The following ODAD3 variants were observed in gnomAD, a reference collection of about 807,000 sequenced individuals.
ODAD3 encodes outer dynein arm docking complex subunit 3, also known as outer dynein arm-docking complex subunit 3.
A neutral mutation model predicts 70.9 loss-of-function variants in ODAD3; 57 were observed. That is an observed-to-expected ratio of 0.80 (90% CI 0.65 to 1.00). The LOEUF (loss-of-function observed/expected upper bound fraction) is 1.00, where lower values mean the gene tolerates loss of function less well. Among genes scored for constraint, ODAD3 ranks in the 50% least tolerant of loss-of-function variants. The probability of loss-of-function intolerance (pLI) is 0.00; values close to 1 mark genes in which losing one functional copy is unlikely to be tolerated. For synonymous variants in ODAD3, 327 were observed against 315.9 expected (o/e 1.04, Z -0.37); for missense variants, 797 against 763.9 (o/e 1.04, Z -0.51).
chr19:11,432,871 G>A (rs1396119369), intron 1 of ODAD3, among the ~76,000 whole-genome samples: 3 of 151,402 alleles, frequency 2.0e-5, no homozygotes, highest in African/African-American at 4.9e-5. Flanking sequence ...CTGGCTCACC[G>A]CAACCTCCAC....
At chr19:11,429,159 G>A (rs888829181) in intron 3 of ODAD3, among the ~76,000 whole-genome samples, 54 of 151,884 alleles carry the variant, frequency 3.6e-4, no homozygotes, top group African/African-American at 1.2e-3. Flanking sequence ...GATTACAGGC[G>A]TGAGCCACCG....
chr19:11,423,838 G>A (rs765278531), intron 8 of ODAD3, 39 bp downstream of exon 8: 7 of 1,363,836 alleles, frequency 5.1e-6, no homozygotes, highest in African/African-American at 4.7e-5. Context: ...TCTGGGGTGG[G>A]GGGGGGGCGC....
intron 8 of ODAD3, among the ~76,000 whole-genome samples, chr19:11,423,468 G>A (rs1176165159): frequency 6.6e-6 from 1 of 152,178 alleles, no homozygotes; most frequent in Non-Finnish European, 1.5e-5. Context: ...TGAGGGACCC[G>A]GCGCAGGGAC....
At chr19:11,425,473 A>ACATATG (rs1276294351) in intron 7 of ODAD3, among the ~76,000 whole-genome samples, 2 of 126,434 alleles carry the variant, frequency 1.6e-5, no homozygotes, top group African/African-American at 5.6e-5. Flanking sequence ...GTATATATGT[A>ACATATG]TATATGTGTG....
At chr19:11,432,139 C>A (rs1429237420) in intron 1 of ODAD3, among the ~76,000 whole-genome samples, 1 of 152,066 alleles carries the variant, frequency 6.6e-6, no homozygotes, top group Admixed American at 6.6e-5. Flanking sequence ...AAACAAAAAA[C>A]CCCAAAATCC....
In ODAD3 at chr19:11,422,931, C is replaced by A. The variant is rs141756170; in HGVS notation, c.1117-70G>T. ...TAGGGGCGCTCCACCTCCTCTCCCC[C>A]ACCCTGCGAACCCTCGCACGCAGGA... On this transcript the variant is annotated intron_variant, in intron 8 of 12. Coordinates refer to ENST00000356392, the MANE Select transcript of ODAD3 (RefSeq NM_145045.5). This position sits in a 1 kb window ranked among gnomAD's most constrained non-coding sequence, Gnocchi z 4.6. The A allele has an allele frequency of 4.6e-5, 70 of 1,531,416 alleles. No individual in the cohort carries two copies. The South Asian group carries it at 7.4e-4, about 16-fold the overall frequency. The allele number at this position is 1,531,416 out of a possible 1,614,324, so 94.9% of individuals were successfully genotyped here.
intron 11 of ODAD3, 31 bp from the exon 12 acceptor site, chr19:11,421,243 G>A (rs1484134464): frequency 5.0e-6 from 8 of 1,597,388 alleles, no homozygotes; most frequent in South Asian, 1.1e-5. Context: ...AGAGAGGAAG[G>A]TGGGCGGGGC....
At chr19:11,430,004 T>G (rs1969470396) in intron 3 of ODAD3, among the ~76,000 whole-genome samples, 1 of 151,978 alleles carries the variant, frequency 6.6e-6, no homozygotes, top group South Asian at 2.1e-4. Context: ...GTCATTGTTT[T>G]CGTTTGTTTG....
chr19:11,426,858 C>T lies in ODAD3; in HGVS notation c.612+15G>A. On this transcript the variant is annotated intron_variant, in intron 4 of 12. Coordinates refer to ENST00000356392, the MANE Select transcript of ODAD3 (RefSeq NM_145045.5). ...CCACACGACCCTCTGCCCTGCAGGC[C>T]TCACCCGCCCCTACCTTGGCCACCT... 1 of 1,610,038 alleles carries T rather than the reference C, an allele frequency of 6.2e-7. No homozygotes were observed. The highest frequency in any genetic ancestry group is 8.5e-7 in the Non-Finnish European group (1 of 1,177,604).
intron 3 of ODAD3, among the ~76,000 whole-genome samples, chr19:11,430,308 T>C (rs1333630100): frequency 1.3e-5 from 2 of 152,038 alleles, no homozygotes; most frequent in African/African-American, 4.8e-5. Context: ...CAGCTAAGTT[T>C]TGTATTTTTA....
Position 11,422,801 on chromosome 19 carries a change from T to A in ODAD3, c.1177A>T (p.Ser393Cys), listed in dbSNP as rs767763782. 5.0e-6 allele frequency: 8 copies of A among 1,609,658 alleles called. No individual in the cohort carries two copies. The East Asian group carries it at 1.6e-4, about 31-fold the overall frequency. ...DTFAQLETLKSENEQTLVRLK... is the reference protein window; with the variant it reads ...DTFAQLETLKCENEQTLVRLK... ...CTCACCAACGTCTGCTCGTTCTCGC[T>A]CTTGAGCGTCTCCAACTGCGCGAAG... is the stretch of plus-strand genomic sequence containing the variant. The change falls in exon 9 of 13, where the codon AGC (serine) becomes TGC (cysteine). Residue 393 changes from serine (S) to cysteine (C), a missense_variant. Transcript: ENST00000356392. This position sits in a 1 kb window ranked among gnomAD's most constrained non-coding sequence, Gnocchi z 4.6.
rs764772748 is a variant in ODAD3, at chr19:11,424,004, T to C, written c.989A>G (p.Gln330Arg). 2 of 1,611,464 alleles carry C rather than the reference T, an allele frequency of 1.2e-6. No individual in the cohort carries two copies. The highest frequency in any genetic ancestry group is 1.7e-6 in the Non-Finnish European group (2 of 1,179,822). ...RKTHREHLLLQSDDTIQDSLH... is the reference protein window; with the variant it reads ...RKTHREHLLLRSDDTIQDSLH... ...GCTGTCCTGGATGGTGTCGTCGGAC[T>C]GTAGCAGCAGGTGCTCGCGGTGGGT... Residue 330 changes from glutamine to arginine, a missense_variant, in exon 8 of 13, where the codon CAG (glutamine) becomes CGG (arginine). Transcript: ENST00000356392.
upstream of ODAD3, chr19:11,435,697 C>T (rs913425042): frequency 5.3e-6 from 7 of 1,314,144 alleles, no homozygotes; most frequent in Non-Finnish European, 7.0e-6. Context: ...GACCTTTGCT[C>T]CGGCCTCGTG....
rs1238176155 is a variant in ODAD3 at position 11,434,808 on chromosome 19, TGA to T, written c.207_208del (p.Gln70GlyfsTer3). The T allele has an allele frequency of 1.9e-6, 3 of 1,613,870 alleles. No individual in the cohort carries two copies. The African/African-American group carries it at 4.0e-5, about 22-fold the overall frequency. ...TATCTTTTTATGTAACTCAGCCACC[TGA>T]GAGTGCACAGAGGGCTTCCCTGCAC... On this transcript the variant is annotated frameshift_variant, in exon 1 of 13. Coordinates refer to ENST00000356392, the MANE Select transcript of ODAD3 (RefSeq NM_145045.5). LOFTEE classifies it high-confidence loss of function.
rs376156697 is a variant in ODAD3 at position 11,426,982 on chromosome 19, C to A, written c.503G>T (p.Arg168Leu). ...REKVKQQNALRHQVVLRQRRL... is the reference protein window; with the variant it reads ...REKVKQQNALLHQVVLRQRRL... ...CCTCTGCCGCAACACCACCTGGTGC[C>A]GCAGGGCGTTCTGCTGCTTCACCTT... is the stretch of plus-strand genomic sequence containing the variant. The change falls in exon 4 of 13, where the codon CGG becomes CTG. Residue 168 changes from arginine to leucine, a missense_variant. Coordinates refer to ENST00000356392, the MANE Select transcript of ODAD3 (RefSeq NM_145045.5). The A allele has an allele frequency of 6.2e-7, 1 of 1,606,600 alleles. No homozygotes were observed.
chr19:11,424,555 G>GTGTTTATA (rs1969223278), intron 7 of ODAD3, among the ~76,000 whole-genome samples: 1 of 126,642 alleles, frequency 7.9e-6, no homozygotes, highest in East Asian at 2.0e-4. Flanking sequence ...ATATACCTAT[G>GTGTTTATA]TGTATATATG....
intron 6 of ODAD3, 27 bp from the exon 7 acceptor site, chr19:11,426,293 GA>G: frequency 6.2e-7 from 1 of 1,612,776 alleles, no homozygotes. Flanking sequence ...GTAGCAGGGA[GA>G]CCAGCTGGCA....
intron 3 of ODAD3, among the ~76,000 whole-genome samples, chr19:11,429,769 A>G (rs1380806139): frequency 8.0e-5 from 12 of 150,068 alleles, no homozygotes; most frequent in African/African-American, 3.0e-4. Context: ...CGATCTCCTG[A>G]CCTCGTGATC....
In ODAD3 at chr19:11,423,927, C is replaced by T. The variant is rs747528098; in HGVS notation, c.1066G>A (p.Glu356Lys). ...LRQRWSMYQMEVIFGKVKDAT... is the reference protein window; with the variant it reads ...LRQRWSMYQMKVIFGKVKDAT... Reference sequence around the variant, plus strand: ...TCCTTGACCTTGCCAAAGATCACCTCCATCTGGTACATGCTCCAGCGCTGC... The same window carrying T: ...TCCTTGACCTTGCCAAAGATCACCTTCATCTGGTACATGCTCCAGCGCTGC... Residue 356 changes from glutamate (E) to lysine (K), a missense_variant, in exon 8 of 13, where the codon GAG becomes AAG. By Grantham distance (56) the Glu-to-Lys change is moderately conservative (BLOSUM62 1). Transcript: ENST00000356392. The T allele has an allele frequency of 1.9e-6, 3 of 1,613,390 alleles. No homozygotes were observed. The highest frequency in any genetic ancestry group is 1.1e-5 in the South Asian group (1 of 91,084).
Sources: gnomAD v4.1 joint callset for allele counts (sites outside exome capture counted in the v4.1 genomes callset) on GRCh38, gnomAD v4.1.1 for gene constraint, Gnocchi (gnomAD v3.1) non-coding constraint, MANE v1.5 for transcripts, NCBI Gene and HGNC (gene_info 2026-07-23, HGNC 2026-07-21) for gene names.